Variants in WDR48 observed in about 807,000 individuals in gnomAD.
WDR48 encodes WD repeat domain 48.
WDR48 carries 22 observed loss-of-function variants against 94.0 expected under a neutral mutation model. That is an observed-to-expected ratio of 0.23 (90% CI 0.17 to 0.33). WDR48 has a LOEUF of 0.33. Ranked by LOEUF, WDR48 falls within the 10% of genes least tolerant of loss-of-function variation. WDR48 has a pLI of 1.00. For synonymous variants in WDR48, 278 were observed against 280.5 expected, an observed-to-expected ratio of 0.99 and a Z score of 0.09; for missense variants, 541 against 813.8, an observed-to-expected ratio of 0.66 and a Z score of 4.08.
At position 39,077,939 on chromosome 3, in the gene WDR48, A is replaced by G. The variant is rs2034312299; in HGVS notation, c.973-198A>G. The G allele has an allele frequency of 1.6e-5, 8 of 490,842 alleles. No individual in the cohort carries two copies. In the South Asian group the frequency reaches 2.3e-4, roughly 14 times the overall value. 30.4% of individuals were successfully genotyped at this position (490,842 alleles called of 1,614,324 possible). ...TCATGCATAGTTTTCTCTCCCAAAG[A>G]CAATATTCCCTTCTTAAAATTTGTT... On this transcript the variant is annotated intron_variant, in intron 9 of 18. Transcript: ENST00000302313.
intron 1 of WDR48, among the ~76,000 whole-genome samples, chr3:39,054,485 C>T (rs1017768359): frequency 6.6e-6 from 1 of 152,228 alleles, no homozygotes; most frequent in African/African-American, 2.4e-5. Flanking sequence ...CTGTTCTATA[C>T]CTCTTGCTGT....
chr3:39,078,308 C>T, intron 10 of WDR48, 69 bp downstream of exon 10: 3 of 1,050,312 alleles, frequency 2.9e-6, no homozygotes, highest in Non-Finnish European at 4.3e-6. Context: ...TGACAAAAAT[C>T]AAGACAATGA....
rs1016932714 is a variant in WDR48, at chr3:39,096,085, C to T, written c.*1342C>T. 10 of 152,628 alleles carry T rather than the reference C, an allele frequency of 6.6e-5. No individual in the cohort carries two copies. Among genetic ancestry groups the T allele is most frequent in the Admixed American group, 1.3e-4 (2 of 15,282 alleles). The allele number at this position is 152,628 out of a possible 1,614,324, so 9.5% of individuals were successfully genotyped here. On this transcript the variant is annotated 3_prime_UTR_variant, in exon 19 of 19. Transcript: ENST00000302313. ...TTTCTTTTCTACATCTTCACAGGTT[C>T]GGCTGGGGGCAGCTGATAGGCCTAA...
chr3:39,089,079 C>T (rs1012266585), intron 15 of WDR48, 152 bp from the exon 16 acceptor site: 6 of 623,236 alleles, frequency 9.6e-6, no homozygotes, highest in African/African-American at 9.3e-5. Flanking sequence ...CTGAGTGAGT[C>T]ATTCTTCCAG....
At chr3:39,077,697 G>A (rs1040274382) in intron 9 of WDR48, among the ~76,000 whole-genome samples, 3 of 152,218 alleles carry the variant, frequency 2.0e-5, no homozygotes, top group Admixed American at 1.3e-4. Flanking sequence ...AAAGTGCACC[G>A]TTAATTCTTA....
intron 11 of WDR48, among the ~76,000 whole-genome samples, chr3:39,081,274 A>G (rs1290405787): frequency 6.6e-6 from 1 of 152,256 alleles, no homozygotes; most frequent in African/African-American, 2.4e-5. Context: ...GAACTAAAGA[A>G]TAAGACAGGC....
chr3:39,068,089 T>C (rs541215590), intron 5 of WDR48, among the ~76,000 whole-genome samples: 4 of 152,114 alleles, frequency 2.6e-5, no homozygotes, highest in Admixed American at 1.3e-4. Flanking sequence ...GATATCACAC[T>C]TTTTTTTAAT....
At chr3:39,089,425 C>A in intron 16 of WDR48, 107 bp downstream of exon 16, 3 of 966,950 alleles carry the variant, frequency 3.1e-6, no homozygotes, top group African/African-American at 1.7e-5. Flanking sequence ...GCTAGACTCC[C>A]AAGTGGAATC....
intron 18 of WDR48, 168 bp from the exon 19 acceptor site, chr3:39,094,480 A>C: frequency 6.5e-7 from 1 of 1,535,076 alleles, no homozygotes; most frequent in South Asian, 1.2e-5. Context: ...CATCTCACTA[A>C]GCTCAATTTC....
chr3:39,068,516 T>C (rs548198135), intron 5 of WDR48, among the ~76,000 whole-genome samples: 1 of 152,348 alleles, frequency 6.6e-6, no homozygotes, highest in South Asian at 2.1e-4. Flanking sequence ...TTTAAACATA[T>C]CATTTAAGCG....
rs750073416 is a variant in WDR48, at chr3:39,077,161, ATCC to A, written c.928_930del (p.Pro310del). 8 of 1,614,128 alleles carry A rather than the reference ATCC, an allele frequency of 5.0e-6. No individual in the cohort carries two copies. Among genetic ancestry groups the A allele is most frequent in the Middle Eastern group, 1.6e-4 (1 of 6,062 alleles). The stretch of plus-strand genomic sequence containing the variant: ...CAGATGGAGCTTGATAGATCAGCTG[ATCC>A]TCCTCCTGCAATTTGGGTTGCAACA... On this transcript the variant is annotated inframe_deletion, in exon 9 of 19. Transcript: ENST00000302313.
chr3:39,089,150 T>A, intron 15 of WDR48, 81 bp from the exon 16 acceptor site: 1 of 1,276,328 alleles, frequency 7.8e-7, no homozygotes, highest in Non-Finnish European at 1.1e-6. Context: ...ACCATGAGGG[T>A]TCCTCCCGCT....
intron 10 of WDR48, 100 bp downstream of exon 10, chr3:39,078,339 T>G (rs769322377): frequency 9.8e-6 from 8 of 812,874 alleles, no homozygotes; most frequent in Non-Finnish European, 1.6e-5. Flanking sequence ...AATATAATCC[T>G]GATGTAAACA....
chr3:39,077,754 T>C (rs1409585738), intron 9 of WDR48, among the ~76,000 whole-genome samples: 1 of 152,266 alleles, frequency 6.6e-6, no homozygotes, highest in Non-Finnish European at 1.5e-5. Context: ...CCAGACTATC[T>C]GTAGGTAACA....
intron 17 of WDR48, 40 bp downstream of exon 17, chr3:39,091,741 G>T: frequency 1.4e-6 from 2 of 1,476,906 alleles, no homozygotes; most frequent in Non-Finnish European, 1.8e-6. Context: ...TTAACTACTA[G>T]AGAGAATTCC....
At position 39,067,023 on chromosome 3, in the gene WDR48, G is replaced by A. The variant is rs1295447056; in HGVS notation, c.481+148G>A. On this transcript the variant is annotated intron_variant, in intron 5 of 18. Transcript: ENST00000302313. Reference sequence around the variant, plus strand: ...ACCTACAGCGTTCTGGCCCCCAAGAGTATGATTGAACAACAAAGAGCTAGT... The same window carrying A: ...ACCTACAGCGTTCTGGCCCCCAAGAATATGATTGAACAACAAAGAGCTAGT... 4.3e-6 allele frequency: 4 copies of A among 924,416 alleles called. No individual in the cohort carries two copies. In the African/African-American group the frequency reaches 5.0e-5, roughly 12 times the overall value. The allele number at this position is 924,416 out of a possible 1,614,324, so 57.3% of individuals were successfully genotyped here.
At chr3:39,081,440 G>C (rs1345471090) in intron 11 of WDR48, among the ~76,000 whole-genome samples, 2 of 152,150 alleles carry the variant, frequency 1.3e-5, no homozygotes, top group East Asian at 3.8e-4. Flanking sequence ...TCTTTGAGTA[G>C]AAAGTTTAGT....
At chr3:39,087,546 G>C (rs774574064) in intron 14 of WDR48, among the ~76,000 whole-genome samples, 3 of 152,140 alleles carry the variant, frequency 2.0e-5, no homozygotes, top group Non-Finnish European at 2.9e-5. Context: ...TGAGCCAGGG[G>C]AGGTTGAGGC....
chr3:39,074,351 A>G (rs568300665), intron 7 of WDR48, among the ~76,000 whole-genome samples: 3 of 152,330 alleles, frequency 2.0e-5, no homozygotes, highest in Non-Finnish European at 4.4e-5. Context: ...CCTTATTGGC[A>G]ACTATAGACT....
Sources: gnomAD v4.1 joint callset for allele counts (sites outside exome capture counted in the v4.1 genomes callset) on GRCh38, gnomAD v4.1.1 for gene constraint, MANE v1.5 for transcripts, NCBI Gene and HGNC (gene_info 2026-07-23, HGNC 2026-07-21) for gene names.